TRIO: variants seen among roughly 807,000 people sequenced by gnomAD.
TRIO encodes trio Rho guanine nucleotide exchange factor, also known as triple functional domain protein.
A neutral mutation model predicts 351.9 loss-of-function variants in TRIO; 58 were observed. The observed-to-expected ratio is 0.16, with a 90% CI of 0.13 to 0.21. The LOEUF is 0.21. TRIO is among the 10% of genes least tolerant of loss of function. The pLI is 1.00. For synonymous variants in TRIO, 1,758 were observed against 1,595.7 expected, an observed-to-expected ratio of 1.10 and a Z score of -2.42; for missense variants, 3,201 against 4,027.8, an observed-to-expected ratio of 0.79 and a Z score of 5.56.
Position 14,389,282 on chromosome 5 carries a change from C to G in TRIO, c.3949-7C>G, listed in dbSNP as rs1166387265. On this transcript the variant is annotated splice_region_variant and splice_polypyrimidine_tract_variant and intron_variant, in intron 24 of 56. Coordinates refer to ENST00000344204, the MANE Select transcript of TRIO (RefSeq NM_007118.4). ...TTTTGTCTAATCCCTGTTTCCCTCTCGGCTAGACGTACCTGTGGGAAATGA... is the reference window on the plus strand; with the variant it reads ...TTTTGTCTAATCCCTGTTTCCCTCTGGGCTAGACGTACCTGTGGGAAATGA... 10 of 1,600,110 alleles carry G rather than the reference C, an allele frequency of 6.2e-6. No individual in the cohort carries two copies. The South Asian group carries it at 1.0e-4, about 16-fold the overall frequency.
chr5:14,235,145 C>T (rs1360245286), intron 1 of TRIO, among the ~76,000 whole-genome samples: 1 of 152,140 alleles, frequency 6.6e-6, no homozygotes, highest in East Asian at 1.9e-4. Flanking sequence ...AAACTTGTTA[C>T]CCTACCCATC....
intron 42 of TRIO, 23 bp downstream of exon 42, chr5:14,479,373 A>G: frequency 6.4e-7 from 1 of 1,564,194 alleles, no homozygotes; most frequent in South Asian, 1.2e-5. Flanking sequence ...ATACAAACAG[A>G]AAGTATTTCT....
At chr5:14,378,438 G>C (rs190595580) in intron 20 of TRIO, among the ~76,000 whole-genome samples, 1 of 152,130 alleles carries the variant, frequency 6.6e-6, no homozygotes, top group East Asian at 1.9e-4. Context: ...TCTGTACTTA[G>C]GTAAATATGA....
At chr5:14,358,768 C>A (rs187801939) in intron 12 of TRIO, among the ~76,000 whole-genome samples, 4 of 152,162 alleles carry the variant, frequency 2.6e-5, no homozygotes, top group African/African-American at 9.7e-5. Context: ...CGGACACCCA[C>A]CCCCAAGTGC....
At chr5:14,396,731 A>G (rs1297907830) in intron 28 of TRIO, among the ~76,000 whole-genome samples, 1 of 151,634 alleles carries the variant, frequency 6.6e-6, no homozygotes, top group East Asian at 1.9e-4. Flanking sequence ...CAGCCTCCCG[A>G]AGTGCTGGGA....
intron 10 of TRIO, among the ~76,000 whole-genome samples, chr5:14,335,953 A>G (rs994035222): frequency 2.6e-5 from 4 of 152,210 alleles, no homozygotes; most frequent in African/African-American, 9.6e-5. Context: ...CCACAGAGTG[A>G]GACTGTCATG....
At chr5:14,268,393 G>A (rs927037427) in intron 1 of TRIO, among the ~76,000 whole-genome samples, 8 of 152,228 alleles carry the variant, frequency 5.3e-5, no homozygotes, top group Non-Finnish European at 8.8e-5. Flanking sequence ...AGGTCACACA[G>A]CTCTCTATTG....
chr5:14,487,543 TG>T lies in TRIO; in HGVS notation c.6920del (p.Gly2307AlafsTer106). 2.8e-6 allele frequency: 1 copy of T among 359,394 alleles called. No homozygotes were observed. The allele number at this position is 359,394 out of a possible 1,614,324, so 22.3% of individuals were successfully genotyped here. A position where few individuals can be genotyped will look rare whatever the true frequency, so the allele number is the denominator to read the frequency against. On this transcript the variant is annotated frameshift_variant, in exon 48 of 57. Transcript: ENST00000344204. LOFTEE classifies it high-confidence loss of function. The part of the protein sequence containing the change: ...GGGSGGSGGG[G>X]GSGGGGAPSG... ...GCGGCAGCGGGGGCAGCGGCGGGGG[TG>T]GGGGCAGCGGCGGCGGCGGGGCCCC... is the stretch of plus-strand genomic sequence containing the variant.
chr5:14,332,363 C>G (rs979045994), intron 10 of TRIO, among the ~76,000 whole-genome samples: 2 of 152,138 alleles, frequency 1.3e-5, no homozygotes, highest in Admixed American at 1.3e-4. Context: ...GAAAAGCAGA[C>G]CAGTGACTCC....
At chr5:14,271,282 G>A (rs1032307778) in intron 2 of TRIO, among the ~76,000 whole-genome samples, 1 of 152,220 alleles carries the variant, frequency 6.6e-6, no homozygotes, top group African/African-American at 2.4e-5. Flanking sequence ...CTCGTACTCT[G>A]TACCTGCCTC....
At chr5:14,374,365 CA>C in intron 19 of TRIO, 22 bp downstream of exon 19, 1 of 1,599,454 alleles carries the variant, frequency 6.3e-7, no homozygotes, top group South Asian at 1.1e-5. Flanking sequence ...TGGGAGTCTC[CA>C]GGGGTGGCCC....
chr5:14,288,584 G>A (rs376764277), intron 4 of TRIO, among the ~76,000 whole-genome samples: 40 of 151,978 alleles, frequency 2.6e-4, no homozygotes, highest in Middle Eastern at 3.4e-3. Context: ...GGAGAATGGC[G>A]TGAACCTGGG....
intron 1 of TRIO, among the ~76,000 whole-genome samples, chr5:14,200,583 C>T (rs1026020040): frequency 1.3e-5 from 2 of 152,268 alleles, no homozygotes; most frequent in Admixed American, 1.3e-4. Context: ...CATTTTCCCC[C>T]ATTGGACCTG....
intron 8 of TRIO, among the ~76,000 whole-genome samples, chr5:14,314,395 A>C (rs962366283): frequency 1.3e-5 from 2 of 152,254 alleles, no homozygotes; most frequent in Admixed American, 1.3e-4. Context: ...ATATATATAA[A>C]ACTATTGTGA....
intron 34 of TRIO, among the ~76,000 whole-genome samples, chr5:14,440,071 C>A (rs1327583504): frequency 6.6e-6 from 1 of 151,888 alleles, no homozygotes; most frequent in Admixed American, 6.6e-5. Context: ...TAAAAAAAGG[C>A]AACATTCTTC....
chr5:14,222,808 C>G (rs1336196197), intron 1 of TRIO, among the ~76,000 whole-genome samples: 1 of 152,220 alleles, frequency 6.6e-6, no homozygotes. Context: ...CCCAGTTGAT[C>G]AGACTTGGTG....
At chr5:14,228,841 A>G (rs1039080801) in intron 1 of TRIO, among the ~76,000 whole-genome samples, 1 of 152,168 alleles carries the variant, frequency 6.6e-6, no homozygotes, top group Admixed American at 6.5e-5. Context: ...ACTGCACTCC[A>G]GCCTGGGTGA....
chr5:14,207,463 T>TACAC (rs70964545), intron 1 of TRIO, among the ~76,000 whole-genome samples: 760 of 22,906 alleles, frequency 0.033, 111 homozygotes, highest in African/African-American at 0.078. Flanking sequence ...ACTGTCTCTC[T>TACAC]ACACACACAC....
chr5:14,477,956 C>T (rs1175134799), intron 41 of TRIO, among the ~76,000 whole-genome samples: 1 of 152,188 alleles, frequency 6.6e-6, no homozygotes, highest in Admixed American at 6.5e-5. Context: ...GTAATTTTCA[C>T]TAACAAACAC....
Sources: allele counts gnomAD v4.1 joint callset (sites outside exome capture counted in the v4.1 genomes callset), GRCh38; gene constraint gnomAD v4.1.1; transcripts MANE v1.5; gene names NCBI Gene and HGNC (gene_info 2026-07-23, HGNC 2026-07-21).